Variants in DNAJC16 observed in about 807,000 individuals in gnomAD.
DNAJC16 encodes the protein dnaJ homolog subfamily C member 16.
DNAJC16 carries 76 observed loss-of-function variants against 92.7 expected under a neutral mutation model. That is an observed-to-expected ratio of 0.82 (90% CI 0.68 to 0.99). The LOEUF (loss-of-function observed/expected upper bound fraction) is 0.99, where lower values mean the gene tolerates loss of function less well. Ranked by LOEUF, DNAJC16 falls within the 50% of genes least tolerant of loss-of-function variation. DNAJC16 has a pLI of 0.00. For synonymous variants in DNAJC16, 328 were observed against 358.7 expected (o/e 0.91, Z 0.97); for missense variants, 869 against 942.4 (o/e 0.92, Z 1.02).
chr1:15,558,434 G>A (rs1279630295), intron 7 of DNAJC16, among the ~76,000 whole-genome samples: 1 of 152,070 alleles, frequency 6.6e-6, no homozygotes, highest in East Asian at 1.9e-4. Flanking sequence ...CAATCCTCCT[G>A]CTTCGGCCTC....
rs1301122023 is a variant in DNAJC16 at position 15,544,708 on chromosome 1, C to T, written c.759+125C>T. 4.6e-6 allele frequency: 4 copies of T among 861,384 alleles called. No individual in the cohort carries two copies. In the Admixed American group the frequency reaches 7.7e-5, roughly 17 times the overall value. The allele number at this position is 861,384 out of a possible 1,614,324, so 53.4% of individuals were successfully genotyped here. ...GTTTCATTGTGAGGAAGGCATGACA[C>T]TTATTAATTAATTAATTACTCAAAC... On this transcript the variant is annotated intron_variant, in intron 5 of 14. Transcript: ENST00000375847.
chr1:15,565,837 G>T lies in DNAJC16; in HGVS notation c.1599-82G>T, dbSNP rs1303998519. The stretch of plus-strand genomic sequence containing the variant: ...CGTTTATTGGTGTGAAGAGTTTTTG[G>T]TTTGGGATTTTTATTTTATCTTTTT... On this transcript the variant is annotated intron_variant, in intron 11 of 14. Transcript: ENST00000375847. 16 of 1,415,884 alleles carry T rather than the reference G, an allele frequency of 1.1e-5. No individual in the cohort carries two copies. The East Asian group carries it at 3.6e-4, about 32-fold the overall frequency. The allele number at this position is 1,415,884 out of a possible 1,614,324, so 87.7% of individuals were successfully genotyped here.
chr1:15,551,764 C>A (rs189871104), intron 7 of DNAJC16, among the ~76,000 whole-genome samples: 1 of 152,008 alleles, frequency 6.6e-6, no homozygotes, highest in Admixed American at 6.6e-5. Flanking sequence ...CAGGCATGCA[C>A]CACTGGCTAA....
At chr1:15,539,072 T>C (rs1710864386) in intron 4 of DNAJC16, among the ~76,000 whole-genome samples, 2 of 152,306 alleles carry the variant, frequency 1.3e-5, no homozygotes, top group Middle Eastern at 3.4e-3. Context: ...GAGAGCTGTT[T>C]GGCATCTCAA....
At chr1:15,547,604 G>A (rs1416350171) in intron 6 of DNAJC16, among the ~76,000 whole-genome samples, 1 of 151,536 alleles carries the variant, frequency 6.6e-6, no homozygotes. Flanking sequence ...CACCACGCTC[G>A]GCTAATTTTT....
chr1:15,536,500 C>G lies in DNAJC16; in HGVS notation c.260C>G (p.Ser87Ter), dbSNP rs1360959876. 1 of 1,594,708 alleles carries G rather than the reference C, an allele frequency of 6.3e-7. No individual in the cohort carries two copies. Among genetic ancestry groups the G allele is most frequent in the Non-Finnish European group, 8.5e-7 (1 of 1,172,688 alleles). Residue 87 changes from serine to a stop codon, truncating the protein, a stop_gained, in exon 4 of 15, where the codon TCA (serine) becomes TGA (stop). Transcript: ENST00000375847. LOFTEE classifies it high-confidence loss of function. ...YEILSNEEKR[S>*]NYDQYGDAGE... ...ATTCTTTCAAATGAAGAAAAGAGAT[C>G]AAATTATGATCAATATGGAGACGCT...
chr1:15,550,120 C>T (rs548580518), intron 7 of DNAJC16, among the ~76,000 whole-genome samples: 11 of 152,284 alleles, frequency 7.2e-5, no homozygotes, highest in Non-Finnish European at 1.3e-4. Flanking sequence ...AGAACAGCCA[C>T]CGGCACACAA....
rs1638854156 is a variant in DNAJC16 at position 15,567,820 on chromosome 1, C to G, written c.1992C>G (p.His664Gln). ...TCTCCTTCCTGAGTCTAGATAAACA[C>G]AGAGAATGGCTAGAATACTTACTAG... Reference protein sequence around the residue: ...LHFSFLSLDKHREWLEYLLEF... With the variant: ...LHFSFLSLDKQREWLEYLLEF... Residue 664 changes from histidine to glutamine, a missense_variant, in exon 15 of 15, where the codon CAC becomes CAG. Physicochemically the swap from His to Gln is conservative, Grantham distance 24. Transcript: ENST00000375847. The G allele has an allele frequency of 6.2e-7, 1 of 1,614,044 alleles. No homozygotes were observed. The highest frequency in any genetic ancestry group is 1.3e-5 in the African/African-American group (1 of 74,926).
chr1:15,530,718 C>G (rs1451928327), intron 2 of DNAJC16, among the ~76,000 whole-genome samples: 2 of 152,084 alleles, frequency 1.3e-5, no homozygotes, highest in Non-Finnish European at 2.9e-5. Context: ...GACGGAGTCT[C>G]GCTCTGTCAC....
chr1:15,535,461 A>G (rs1710757489), intron 3 of DNAJC16, among the ~76,000 whole-genome samples: 2 of 152,248 alleles, frequency 1.3e-5, no homozygotes, highest in South Asian at 4.1e-4. Context: ...TAGAATATCT[A>G]ATCGGCTGGA....
chr1:15,565,936 T>G lies in DNAJC16; in HGVS notation c.1616T>G (p.Leu539Arg). 6.2e-7 allele frequency: 1 copy of G among 1,614,072 alleles called. No individual in the cohort carries two copies. The highest frequency in any genetic ancestry group is 8.5e-7 in the Non-Finnish European group (1 of 1,180,002). The part of the protein sequence containing the change: ...FHNNWREMMP[L>R]LSLIFSALFI... ...GGTTTTAGGAGGGAAATGATGCCCC[T>G]GCTGTCCCTGATCTTCTCTGCCCTC... Residue 539 changes from leucine (L) to arginine (R), a missense_variant, in exon 12 of 15, where the codon CTG (leucine) becomes CGG (arginine). Leu to Arg is a moderately radical substitution (Grantham distance 102). Coordinates refer to ENST00000375847, the MANE Select transcript of DNAJC16 (RefSeq NM_015291.4).
intron 2 of DNAJC16, among the ~76,000 whole-genome samples, chr1:15,531,529 T>C (rs1710660544): frequency 6.6e-6 from 1 of 152,242 alleles, no homozygotes; most frequent in Non-Finnish European, 1.5e-5. Flanking sequence ...CAACATTCTT[T>C]TGGACAAGGC....
At chr1:15,532,389 AT>A (rs937295073) in intron 2 of DNAJC16, among the ~76,000 whole-genome samples, 23 of 148,944 alleles carry the variant, frequency 1.5e-4, no homozygotes, top group African/African-American at 3.2e-4. Flanking sequence ...CTATGGCTGA[AT>A]TTTTTTTTTT....
chr1:15,549,437 AC>A (rs1348056888), intron 7 of DNAJC16, among the ~76,000 whole-genome samples: 1 of 152,016 alleles, frequency 6.6e-6, no homozygotes, highest in Non-Finnish European at 1.5e-5. Flanking sequence ...CCCCTGATCC[AC>A]CCCACTTACC....
At position 15,546,891 on chromosome 1, in the gene DNAJC16, A is replaced by C; in HGVS notation, c.864+20A>C. 6.8e-7 allele frequency: 1 copy of C among 1,467,684 alleles called. No homozygotes were observed. Among genetic ancestry groups the C allele is most frequent in the Non-Finnish European group, 9.2e-7 (1 of 1,085,266 alleles). The allele number at this position is 1,467,684 out of a possible 1,614,324, so 90.9% of individuals were successfully genotyped here. ...TACAAGGTACTTTCTATGCTAGGAT[A>C]ATGGTTTCTTTTTCTTTTCTTTTCT... On this transcript the variant is annotated intron_variant, in intron 6 of 14. Coordinates refer to ENST00000375847, the MANE Select transcript of DNAJC16 (RefSeq NM_015291.4).
chr1:15,571,701 GAA>G lies in DNAJC16; in HGVS notation c.*3528_*3529del, dbSNP rs1232504212. 6.6e-6 allele frequency: 1 copy of G among 152,520 alleles called. No homozygotes were observed. The highest frequency in any genetic ancestry group is 2.4e-5 in the African/African-American group (1 of 41,428). 9.4% of individuals were successfully genotyped at this position (152,520 alleles called of 1,614,324 possible). On this transcript the variant is annotated 3_prime_UTR_variant, in exon 15 of 15. Coordinates refer to ENST00000375847, the MANE Select transcript of DNAJC16 (RefSeq NM_015291.4). ...GATGTTATTTTAAGATTACAGAATG[GAA>G]AAAGAAATAAACTATTTTAATGTCT...
At chr1:15,536,405 C>T in intron 3 of DNAJC16, 70 bp from the exon 4 acceptor site, 2 of 1,292,076 alleles carry the variant, frequency 1.5e-6, no homozygotes, top group Non-Finnish European at 2.1e-6. Flanking sequence ...CTATGTCTTT[C>T]AAGCTGCTTA....
At chr1:15,566,248 G>A (rs1026875070) in intron 13 of DNAJC16, 68 bp downstream of exon 13, 44 of 1,281,328 alleles carry the variant, frequency 3.4e-5, no homozygotes, top group African/African-American at 3.0e-5. Context: ...ATCTGATAAC[G>A]CAGCATTGGA....
chr1:15,564,675 C>T (rs528918741), intron 11 of DNAJC16, among the ~76,000 whole-genome samples: 30 of 151,516 alleles, frequency 2.0e-4, no homozygotes, highest in African/African-American at 6.3e-4. Context: ...ATTACAGGCA[C>T]CTGTCACCAT....
Sources: gnomAD v4.1 joint callset for allele counts (sites outside exome capture counted in the v4.1 genomes callset) on GRCh38, gnomAD v4.1.1 for gene constraint, MANE v1.5 for transcripts, NCBI Gene and HGNC (gene_info 2026-07-23, HGNC 2026-07-21) for gene names.